USP3: variants seen among roughly 807,000 people sequenced by gnomAD.
USP3 encodes ubiquitin carboxyl-terminal hydrolase 3.
In USP3, 20 loss-of-function variants were observed where a neutral mutation model predicts 72.3. The observed-to-expected ratio is 0.28, with a 90% CI of 0.19 to 0.40. The LOEUF is 0.40. USP3 is among the 10% of genes least tolerant of loss of function. The pLI, the probability that USP3 is intolerant of heterozygous loss-of-function variation, is 1.00. For synonymous variants in USP3, 222 were observed against 225.3 expected, an observed-to-expected ratio of 0.99 and a Z score of 0.13; for missense variants, 479 against 633.9, an observed-to-expected ratio of 0.76 and a Z score of 2.62.
intron 3 of USP3, among the ~76,000 whole-genome samples, chr15:63,546,657 T>A (rs1048554334): frequency 7.9e-5 from 12 of 152,206 alleles, no homozygotes; most frequent in Non-Finnish European, 1.8e-4. Context: ...TGGAATGCAG[T>A]GGCCTGATCT....
At chr15:63,551,369 A>G (rs931980936) in intron 3 of USP3, 1 of 151,666 alleles carries the variant, frequency 6.6e-6, no homozygotes, top group African/African-American at 2.4e-5. Context: ...AAATTTTTCT[A>G]TTTTTAATTT....
intron 1 of USP3, among the ~76,000 whole-genome samples, chr15:63,508,114 G>A (rs1475468319): frequency 6.6e-6 from 1 of 152,092 alleles, no homozygotes; most frequent in African/African-American, 2.4e-5. Flanking sequence ...GAGAATGACT[G>A]TAAACAAAAG....
At chr15:63,559,824 T>G (rs1482100628) in intron 6 of USP3, 33 bp from the exon 7 acceptor site, 1 of 1,563,148 alleles carries the variant, frequency 6.4e-7, no homozygotes, top group Non-Finnish European at 8.7e-7. Flanking sequence ...ATTCTTTTCT[T>G]TTTAAAATAT....
chr15:63,509,552 G>A (rs1305741947), intron 1 of USP3, among the ~76,000 whole-genome samples: 1 of 151,946 alleles, frequency 6.6e-6, no homozygotes, highest in Non-Finnish European at 1.5e-5. Flanking sequence ...ATGTGGATGG[G>A]GTAGTTAAAA....
rs373836942 is a variant in USP3 at position 63,553,400 on chromosome 15, T to TCATTTATA, written c.285-310_285-309insATACATTT. On this transcript the variant is annotated intron_variant, in intron 3 of 14. Coordinates refer to ENST00000380324, the MANE Select transcript of USP3 (RefSeq NM_006537.4). This position sits in a 1 kb window ranked among gnomAD's most constrained non-coding sequence, Gnocchi z 4.2. ...ATGAAAAGACTCGGTGCTTTTTATT[T>TCATTTATA]CATTTTCCATGTATTAGGCACCACT... 43 of 180,860 alleles carry TCATTTATA rather than the reference T, an allele frequency of 2.4e-4. No homozygotes were observed. In the Middle Eastern group the frequency reaches 6.3e-3, roughly 26 times the overall value. 11.2% of individuals were successfully genotyped at this position (180,860 alleles called of 1,614,324 possible). A position where few individuals can be genotyped will look rare whatever the true frequency, so the allele number is the denominator to read the frequency against.
Position 63,570,338 on chromosome 15 carries a change from C to T in USP3, c.762-95C>T, listed in dbSNP as rs2066758905. 4 of 1,538,456 alleles carry T rather than the reference C, an allele frequency of 2.6e-6. No homozygotes were observed. In the South Asian group the frequency reaches 4.7e-5, roughly 18 times the overall value. On this transcript the variant is annotated intron_variant, in intron 8 of 14. Coordinates refer to ENST00000380324, the MANE Select transcript of USP3 (RefSeq NM_006537.4). The surrounding 1 kb of genome is among the most constrained non-coding windows in gnomAD (Gnocchi z 4.4). Reference sequence around the variant, plus strand: ...CCTGGCTGTGCTTGTGAGCACGGGGCTGCCGTCCTTTTCCACGCCTTGGCC... The same window carrying T: ...CCTGGCTGTGCTTGTGAGCACGGGGTTGCCGTCCTTTTCCACGCCTTGGCC...
Position 63,570,730 on chromosome 15 carries a change from A to G in USP3, c.908+151A>G. On this transcript the variant is annotated intron_variant, in intron 9 of 14. Transcript: ENST00000380324. The surrounding 1 kb of genome is among the most constrained non-coding windows in gnomAD (Gnocchi z 4.4). ...CTTGAACTTTGTGACCCAGTGAACT[A>G]GCACATACCTCTTGCTTCTAGACCA... 9.2e-7 allele frequency: 1 copy of G among 1,081,532 alleles called. No individual in the cohort carries two copies. The highest frequency in any genetic ancestry group is 1.7e-5 in the South Asian group (1 of 60,582). 67.0% of individuals were successfully genotyped at this position (1,081,532 alleles called of 1,614,324 possible). A position where few individuals can be genotyped will look rare whatever the true frequency, so the allele number is the denominator to read the frequency against.
intron 5 of USP3, among the ~76,000 whole-genome samples, chr15:63,557,584 C>T (rs904493022): frequency 6.6e-6 from 1 of 152,124 alleles, no homozygotes; most frequent in Non-Finnish European, 1.5e-5. Flanking sequence ...TTAGTAGAGA[C>T]GGAGTTTCGC....
intron 7 of USP3, among the ~76,000 whole-genome samples, chr15:63,560,339 C>T (rs984316591): frequency 6.6e-6 from 1 of 151,282 alleles, no homozygotes. Context: ...TCGCTTGAAC[C>T]CAAGAGGCAG....
In USP3 at chr15:63,559,653, T is replaced by C. The variant is rs2066572002; in HGVS notation, c.534-204T>C. On this transcript the variant is annotated intron_variant, in intron 6 of 14. Transcript: ENST00000380324. ...TCTTTGTTTTTTGTTTTTGTTTTTT[T>C]ACAAAGTCATCTGTCTATACTGTTT... Among the ~76,000 whole-genome samples the C allele has an allele frequency of 2.0e-5, 3 of 152,196 alleles. No individual in the cohort carries two copies. The South Asian group carries it at 6.2e-4, about 31-fold the overall frequency.
rs563915580 is a variant in USP3, at chr15:63,557,811, A to G, written c.451-295A>G. ...TTAAGTCTTAAATGTTATTTTAAGG[A>G]TTTCCTGTTTTTTGCATTGTGTACT... is the stretch of plus-strand genomic sequence containing the variant. On this transcript the variant is annotated intron_variant, in intron 5 of 14. Transcript: ENST00000380324. Among the ~76,000 whole-genome samples, 6 of 152,260 alleles carry G rather than the reference A, an allele frequency of 3.9e-5. No individual in the cohort carries two copies. In the East Asian group the frequency reaches 1.2e-3, roughly 29 times the overall value.
chr15:63,591,069 A>G lies in USP3; in HGVS notation c.*243A>G, dbSNP rs2067190089. 2 of 411,988 alleles carry G rather than the reference A, an allele frequency of 4.9e-6. No homozygotes were observed. The highest frequency in any genetic ancestry group is 9.7e-5 in the South Asian group (2 of 20,536). The allele number at this position is 411,988 out of a possible 1,614,324, so 25.5% of individuals were successfully genotyped here. ...TTGTAATAATTCAATTTTTATAGGT[A>G]GTTGTAAGAACTTAGTCTTATTTGA... is the stretch of plus-strand genomic sequence containing the variant. On this transcript the variant is annotated 3_prime_UTR_variant, in exon 15 of 15. Transcript: ENST00000380324.
At chr15:63,516,198 T>C (rs539723664) in intron 1 of USP3, among the ~76,000 whole-genome samples, 2 of 152,350 alleles carry the variant, frequency 1.3e-5, no homozygotes, top group African/African-American at 2.4e-5. Flanking sequence ...CCTTTAAACC[T>C]GTCAAAGGTC....
chr15:63,572,946 A>C (rs2066803164), intron 9 of USP3, among the ~76,000 whole-genome samples: 1 of 152,204 alleles, frequency 6.6e-6, no homozygotes, highest in South Asian at 2.1e-4. Flanking sequence ...TAGCTACTTT[A>C]CAGGTGTGTT....
rs1216331091 is a variant in USP3, at chr15:63,570,910, C to T, written c.908+331C>T. ...AATGATAGGCAGGAGACTTAATTTT[C>T]ATATACCAAAATAATATTTGTTCAC... is the stretch of plus-strand genomic sequence containing the variant. On this transcript the variant is annotated intron_variant, in intron 9 of 14. Coordinates refer to ENST00000380324, the MANE Select transcript of USP3 (RefSeq NM_006537.4). This position sits in a 1 kb window ranked among gnomAD's most constrained non-coding sequence, Gnocchi z 4.4. Among the ~76,000 whole-genome samples the T allele has an allele frequency of 6.6e-6, 1 of 152,160 alleles. No individual in the cohort carries two copies. The highest frequency in any genetic ancestry group is 1.5e-5 in the Non-Finnish European group (1 of 68,032).
At chr15:63,512,809 G>A (rs529561774) in intron 1 of USP3, among the ~76,000 whole-genome samples, 2 of 152,302 alleles carry the variant, frequency 1.3e-5, no homozygotes, top group South Asian at 4.1e-4. Flanking sequence ...TGTATACAAT[G>A]CAGATGAATT....
At chr15:63,519,488 T>C (rs1428810526) in intron 1 of USP3, among the ~76,000 whole-genome samples, 1 of 152,210 alleles carries the variant, frequency 6.6e-6, no homozygotes, top group African/African-American at 2.4e-5. Flanking sequence ...ACAAAAGTAA[T>C]GTTGTGTCTT....
chr15:63,568,638 T>C (rs2066732054), intron 8 of USP3, among the ~76,000 whole-genome samples: 2 of 152,242 alleles, frequency 1.3e-5, no homozygotes, highest in Admixed American at 1.3e-4. Flanking sequence ...ATTGAAAAGA[T>C]AACTGAAATT....
chr15:63,573,468 G>A (rs547183810), intron 9 of USP3, among the ~76,000 whole-genome samples: 63 of 152,336 alleles, frequency 4.1e-4, no homozygotes, highest in African/African-American at 1.4e-3. Context: ...TTTTTAAAAA[G>A]TGTTCTCCGC....
Sources: gnomAD v4.1 joint callset for allele counts (sites outside exome capture counted in the v4.1 genomes callset) on GRCh38, gnomAD v4.1.1 for gene constraint, Gnocchi (gnomAD v3.1) non-coding constraint, MANE v1.5 for transcripts, NCBI Gene and HGNC (gene_info 2026-07-23, HGNC 2026-07-21) for gene names.